Variants in DYNC1H1 observed in about 807,000 individuals in gnomAD.
DYNC1H1 encodes cytoplasmic dynein 1 heavy chain 1.
A neutral mutation model predicts 527.1 loss-of-function variants in DYNC1H1; 51 were observed. That is an observed-to-expected ratio of 0.10 (90% confidence interval 0.08 to 0.12). The LOEUF (loss-of-function observed/expected upper bound fraction) is 0.12. Among genes scored for constraint, DYNC1H1 ranks in the 10% least tolerant of loss-of-function variants. The probability of loss-of-function intolerance (pLI) is 1.00; values close to 1 mark genes in which losing one functional copy is unlikely to be tolerated. For missense variants in DYNC1H1, 2,771 were observed against 5,971.8 expected (o/e 0.46, Z 17.66); for synonymous variants, 2,189 against 2,278.8 (o/e 0.96, Z 1.12).
rs2048653104 is a variant in DYNC1H1 at position 102,041,757 on chromosome 14, G to T, written c.12102+23G>T. The T allele has an allele frequency of 6.2e-7, 1 of 1,613,490 alleles. No homozygotes were observed. The highest frequency in any genetic ancestry group is 1.3e-5 in the African/African-American group (1 of 74,918). On this transcript the variant is annotated intron_variant, in intron 65 of 77. Coordinates refer to ENST00000360184, the MANE Select transcript of DYNC1H1 (RefSeq NM_001376.5). This position sits in a 1 kb window ranked among gnomAD's most constrained non-coding sequence, Gnocchi z 4.5. ...GAGGTAATGTCCTGGTACAGCCCGG[G>T]CTTCCCACGAGACTCCATGCCCACC... is the stretch of plus-strand genomic sequence containing the variant.
intron 52 of DYNC1H1, 98 bp downstream of exon 52, chr14:102,032,565 G>A: frequency 2.0e-6 from 3 of 1,486,548 alleles, no homozygotes; most frequent in Non-Finnish European, 2.8e-6. Flanking sequence ...ACTTTCGGCT[G>A]TTCAGGCCAG....
Position 102,049,280 on chromosome 14 carries a change from C to A in DYNC1H1, c.13373-160C>A. 2.0e-6 allele frequency: 2 copies of A among 977,546 alleles called. No individual in the cohort carries two copies. The highest frequency in any genetic ancestry group is 3.1e-6 in the Non-Finnish European group (2 of 644,490). 60.6% of individuals were successfully genotyped at this position (977,546 alleles called of 1,614,324 possible). A position where few individuals can be genotyped will look rare whatever the true frequency, so the allele number is the denominator to read the frequency against. On this transcript the variant is annotated intron_variant, in intron 74 of 77. Transcript: ENST00000360184. The surrounding 1 kb of genome is among the most constrained non-coding windows in gnomAD (Gnocchi z 5.5). ...TGAGCTAGAGCAGATGTGGTGAGGG[C>A]GGCGCCAGGGGCATAAAGTGCAGCC...
Position 102,012,860 on chromosome 14 carries a change from T to A in DYNC1H1, c.7014+390T>A, listed in dbSNP as rs1317817861. ...AAAATGAGTGCATGATGCAGGTGCC[T>A]GACAACACCTACTGATCAGTAAACA... On this transcript the variant is annotated intron_variant, in intron 34 of 77. Transcript: ENST00000360184. This position sits in a 1 kb window ranked among gnomAD's most constrained non-coding sequence, Gnocchi z 4.9. 9 of 342,738 alleles carry A rather than the reference T, an allele frequency of 2.6e-5. No individual in the cohort carries two copies. In the East Asian group the frequency reaches 6.8e-4, roughly 26 times the overall value. 21.2% of individuals were successfully genotyped at this position (342,738 alleles called of 1,614,324 possible).
At chr14:102,014,795 G>A (rs1301218874) in intron 34 of DYNC1H1, among the ~76,000 whole-genome samples, 2 of 151,998 alleles carry the variant, frequency 1.3e-5, no homozygotes, top group African/African-American at 2.4e-5. Context: ...AGCTGTAGGT[G>A]TTTTTTGTTT....
chr14:101,981,805 A>T (rs1281647993), intron 5 of DYNC1H1, among the ~76,000 whole-genome samples: 1 of 152,166 alleles, frequency 6.6e-6, no homozygotes, highest in African/African-American at 2.4e-5. Flanking sequence ...GAAAGTCAAT[A>T]AATAGATTAG....
At position 102,015,619 on chromosome 14, in the gene DYNC1H1, T is replaced by C. The variant is rs540729536; in HGVS notation, c.7243-237T>C. ...TAAAGAATTCTTTTCATTATCTTACTTTTCTCTACAAATTGATGAAAGACT... is the reference window on the plus strand; with the variant it reads ...TAAAGAATTCTTTTCATTATCTTACCTTTCTCTACAAATTGATGAAAGACT... On this transcript the variant is annotated intron_variant, in intron 35 of 77. Coordinates refer to ENST00000360184, the MANE Select transcript of DYNC1H1 (RefSeq NM_001376.5). The surrounding 1 kb of genome is among the most constrained non-coding windows in gnomAD (Gnocchi z 6.9). Among the ~76,000 whole-genome samples the C allele has an allele frequency of 2.0e-5, 3 of 152,350 alleles. No homozygotes were observed. In the South Asian group the frequency reaches 6.2e-4, roughly 32 times the overall value.
chr14:101,987,419 G>T, intron 8 of DYNC1H1, 34 bp from the exon 9 acceptor site: 2 of 1,589,106 alleles, frequency 1.3e-6, no homozygotes, highest in Non-Finnish European at 1.7e-6. Flanking sequence ...GAGTGTGAGT[G>T]GGTGTTTTAA....
chr14:102,002,982 G>C lies in DYNC1H1; in HGVS notation c.4883+17G>C. ...TTTCCCCAGGTAAGATCCTTGCTTT[G>C]ACTTGGCCTGGAGTCAAGTTGAATT... On this transcript the variant is annotated intron_variant, in intron 23 of 77. Coordinates refer to ENST00000360184, the MANE Select transcript of DYNC1H1 (RefSeq NM_001376.5). The surrounding 1 kb of genome is among the most constrained non-coding windows in gnomAD (Gnocchi z 4.4). 6.2e-7 allele frequency: 1 copy of C among 1,613,796 alleles called. No homozygotes were observed.
intron 42 of DYNC1H1, among the ~76,000 whole-genome samples, chr14:102,022,057 A>C (rs2048390304): frequency 6.6e-6 from 1 of 151,844 alleles, no homozygotes; most frequent in South Asian, 2.1e-4. Context: ...AATCGCTTGA[A>C]CCTGGGAAGC....
chr14:101,987,352 G>A, intron 8 of DYNC1H1, 101 bp from the exon 9 acceptor site: 1 of 1,302,882 alleles, frequency 7.7e-7, no homozygotes, highest in Non-Finnish European at 1.1e-6. Flanking sequence ...AACTGTGCCT[G>A]GAGCATTTGT....
chr14:102,033,913 C>T lies in DYNC1H1; in HGVS notation c.10414-63C>T. The T allele has an allele frequency of 6.4e-7, 1 of 1,569,724 alleles. No individual in the cohort carries two copies. The highest frequency in any genetic ancestry group is 8.7e-7 in the Non-Finnish European group (1 of 1,144,258). On this transcript the variant is annotated intron_variant, in intron 54 of 77. Transcript: ENST00000360184. The surrounding 1 kb of genome is among the most constrained non-coding windows in gnomAD (Gnocchi z 5.6). ...CACATAATGTGGATGAACCGATTTG[C>T]AGGATTCGGTATAAATCCTGAAAGG...
chr14:101,998,942 C>T (rs1218189626), intron 16 of DYNC1H1, among the ~76,000 whole-genome samples: 2 of 136,742 alleles, frequency 1.5e-5, no homozygotes, highest in Non-Finnish European at 3.0e-5. Context: ...AGTGCAGTGG[C>T]GCAATCTCCG....
intron 17 of DYNC1H1, 26 bp from the exon 18 acceptor site, chr14:102,000,260 A>G (rs1482765518): frequency 6.2e-7 from 1 of 1,614,166 alleles, no homozygotes; most frequent in East Asian, 2.2e-5. Flanking sequence ...TTCCAAAGTC[A>G]ACTGCTTTAC....
At position 102,041,893 on chromosome 14, in the gene DYNC1H1, CCA is replaced by C. The variant is rs1215917085; in HGVS notation, c.12103-116_12103-115del. On this transcript the variant is annotated intron_variant, in intron 65 of 77. Transcript: ENST00000360184. The surrounding 1 kb of genome is among the most constrained non-coding windows in gnomAD (Gnocchi z 4.5). ...TTCTCAACTCCTGGCTGCATGGTGC[CCA>C]CACCTCTGGGCCCAGAAAGAACATC... The C allele has an allele frequency of 2.7e-6, 4 of 1,495,290 alleles. No homozygotes were observed. The highest frequency in any genetic ancestry group is 3.7e-6 in the Non-Finnish European group (4 of 1,088,742). The allele number at this position is 1,495,290 out of a possible 1,614,324, so 92.6% of individuals were successfully genotyped here. A position where few individuals can be genotyped will look rare whatever the true frequency, so the allele number is the denominator to read the frequency against.
intron 10 of DYNC1H1, among the ~76,000 whole-genome samples, chr14:101,990,914 CA>C (rs1203480614): frequency 4.7e-5 from 7 of 149,870 alleles, no homozygotes; most frequent in African/African-American, 1.7e-4. Flanking sequence ...GAGGCTGAGA[CA>C]GGAGAATCGC....
In DYNC1H1 at chr14:102,012,649, T is replaced by C; in HGVS notation, c.7014+179T>C. The C allele has an allele frequency of 1.3e-6, 1 of 787,932 alleles. No homozygotes were observed. The highest frequency in any genetic ancestry group is 2.1e-6 in the Non-Finnish European group (1 of 474,748). The allele number at this position is 787,932 out of a possible 1,614,324, so 48.8% of individuals were successfully genotyped here. Reference sequence around the variant, plus strand: ...TAGATTTTTTTTCCATTTCCATGGCTAGTGAGAAACATTTTAATAGGTTTT... The same window carrying C: ...TAGATTTTTTTTCCATTTCCATGGCCAGTGAGAAACATTTTAATAGGTTTT... On this transcript the variant is annotated intron_variant, in intron 34 of 77. Coordinates refer to ENST00000360184, the MANE Select transcript of DYNC1H1 (RefSeq NM_001376.5). The surrounding 1 kb of genome is among the most constrained non-coding windows in gnomAD (Gnocchi z 4.9).
chr14:102,040,222 T>C lies in DYNC1H1; in HGVS notation c.11691-14T>C, dbSNP rs747235561. On this transcript the variant is annotated splice_polypyrimidine_tract_variant and intron_variant, in intron 62 of 77. Coordinates refer to ENST00000360184, the MANE Select transcript of DYNC1H1 (RefSeq NM_001376.5). The stretch of plus-strand genomic sequence containing the variant: ...ACGTGAGAGACCCTAGCTAACCTGT[T>C]GCACCCTTCGCAGGGAGCCCACCTA... 15 of 1,614,000 alleles carry C rather than the reference T, an allele frequency of 9.3e-6. No homozygotes were observed. The South Asian group carries it at 1.5e-4, about 17-fold the overall frequency.
At chr14:101,972,215 TAA>T (rs1267604604) in intron 1 of DYNC1H1, among the ~76,000 whole-genome samples, 3 of 140,768 alleles carry the variant, frequency 2.1e-5, no homozygotes, top group African/African-American at 2.6e-5. Flanking sequence ...GACAACTATT[TAA>T]AAAAAAAAAA....
rs767550205 is a variant in DYNC1H1 at position 102,028,117 on chromosome 14, G to A, written c.9444G>A (p.Val3148=). ...GGGAAGCCATTGTGAACAGCTGTGT[G>A]TTTGTTCATCAGACTCTTCACCAGG... is the stretch of plus-strand genomic sequence containing the variant. ...SHREAIVNSC[V]FVHQTLHQAN... The change falls in exon 48 of 78, where the codon GTG becomes GTA. Residue 3148 remains valine, a synonymous_variant. Coordinates refer to ENST00000360184, the MANE Select transcript of DYNC1H1 (RefSeq NM_001376.5). The A allele has an allele frequency of 1.9e-6, 3 of 1,614,016 alleles. No individual in the cohort carries two copies. The highest frequency in any genetic ancestry group is 1.1e-5 in the South Asian group (1 of 91,086).
Sources: allele counts gnomAD v4.1 joint callset (sites outside exome capture counted in the v4.1 genomes callset), GRCh38; gene constraint gnomAD v4.1.1; non-coding constraint Gnocchi (gnomAD v3.1); transcripts MANE v1.5; gene names NCBI Gene and HGNC (gene_info 2026-07-23, HGNC 2026-07-21).